PTPN21: variants seen among roughly 807,000 people sequenced by gnomAD.
PTPN21 encodes the protein tyrosine-protein phosphatase non-receptor type 21.
Under a neutral mutation model 131.8 loss-of-function variants are expected in PTPN21, and 77 were observed. That is an observed-to-expected ratio of 0.58 (90% CI 0.49 to 0.71). The LOEUF is 0.71. Among genes scored for constraint, PTPN21 ranks in the 30% least tolerant of loss-of-function variants. The pLI is 0.00. For missense variants in PTPN21, 1,552 were observed against 1,527.1 expected, an observed-to-expected ratio of 1.02 and a Z score of -0.27; for synonymous variants, 715 against 621.3, an observed-to-expected ratio of 1.15 and a Z score of -2.24.
At position 88,479,326 on chromosome 14, in the gene PTPN21, G is replaced by A. The variant is rs757086719; in HGVS notation, c.2105C>T (p.Ser702Leu). The change falls in exon 13 of 19, where the codon TCG (serine) becomes TTG (leucine). Residue 702 changes from serine (S) to leucine (L), a missense_variant. Around this residue, in one of 4 missense-constraint regions of PTPN21, gnomAD observed 1,016 missense variants for 883.5 expected, o/e 1.15. Coordinates refer to ENST00000556564, the MANE Select transcript of PTPN21 (RefSeq NM_007039.4). ...GCTGTGGATTAGCATGGTGGCGTCC[G>A]ACAGGGACTTCTTATGGCCGTACCT... ...GLRYGHKKSL[S>L]DATMLIHSSE... is the part of the protein sequence containing the mutation. 1.4e-5 allele frequency: 22 copies of A among 1,613,282 alleles called. No individual in the cohort carries two copies. In the South Asian group the frequency reaches 1.4e-4, roughly 10 times the overall value.
At chr14:88,478,506 T>C (rs2077579827) in intron 13 of PTPN21, among the ~76,000 whole-genome samples, 1 of 152,292 alleles carries the variant, frequency 6.6e-6, no homozygotes, top group Admixed American at 6.5e-5. Flanking sequence ...TTTTCAGATA[T>C]CTCTTGAGCA....
intron 3 of PTPN21, chr14:88,514,115 G>A (rs2078226254): frequency 6.6e-6 from 1 of 152,092 alleles, no homozygotes; most frequent in South Asian, 2.1e-4. Flanking sequence ...CCAATGTTTT[G>A]CCTTAGATCA....
chr14:88,552,589 T>C (rs995300111), intron 1 of PTPN21: 1 of 152,110 alleles, frequency 6.6e-6, no homozygotes, highest in African/African-American at 2.4e-5. Flanking sequence ...AAACAAGGGA[T>C]AGGGGAAGGC....
At chr14:88,487,714 C>G (rs1313474942) in intron 10 of PTPN21, among the ~76,000 whole-genome samples, 1 of 151,936 alleles carries the variant, frequency 6.6e-6, no homozygotes, top group Non-Finnish European at 1.5e-5. Flanking sequence ...TTTGGTGACA[C>G]AAGTCTGCAT....
chr14:88,478,584 C>T (rs973286528), intron 13 of PTPN21, among the ~76,000 whole-genome samples: 12 of 152,226 alleles, frequency 7.9e-5, no homozygotes, highest in Admixed American at 2.6e-4. Flanking sequence ...CTAAAGCAAT[C>T]GTGGCTAAAG....
chr14:88,469,856 C>T lies in PTPN21; in HGVS notation c.3000+66G>A, dbSNP rs1463259465. 2 of 1,609,312 alleles carry T rather than the reference C, an allele frequency of 1.2e-6. No homozygotes were observed. The highest frequency in any genetic ancestry group is 4.5e-5 in the East Asian group (2 of 44,872). ...GCCTTTTTCTCCACAGGTCAGGATT[C>T]CAGATGATTAACATTAACTGTTCTT... On this transcript the variant is annotated intron_variant, in intron 16 of 18. Transcript: ENST00000556564. This position sits in a 1 kb window ranked among gnomAD's most constrained non-coding sequence, Gnocchi z 4.3.
intron 2 of PTPN21, among the ~76,000 whole-genome samples, chr14:88,538,502 C>T (rs2078660522): frequency 6.6e-6 from 1 of 152,216 alleles, no homozygotes; most frequent in Non-Finnish European, 1.5e-5. Context: ...CCTAATGACA[C>T]TCATGTTCCT....
At chr14:88,488,944 G>A (rs2077778327) in intron 10 of PTPN21, among the ~76,000 whole-genome samples, 1 of 152,170 alleles carries the variant, frequency 6.6e-6, no homozygotes. Flanking sequence ...AAACCCATAA[G>A]GGAGGTCCAG....
chr14:88,500,859 T>C lies in PTPN21; in HGVS notation c.688A>G (p.Ser230Gly). 6.2e-7 allele frequency: 1 copy of C among 1,612,948 alleles called. No individual in the cohort carries two copies. Residue 230 changes from serine (S) to glycine (G), a missense_variant, in exon 8 of 19, where the codon AGT becomes GGT. Transcript: ENST00000556564. Reference protein sequence around the residue: ...ESYPAKDSQGSDISIGACLEG... With the variant: ...ESYPAKDSQGGDISIGACLEG... ...AGACACGCTCCAATGGATATGTCAC[T>C]TCCTTGGCTATCCTACAAGGAGAAA... is the stretch of plus-strand genomic sequence containing the variant.
rs1398496463 is a variant in PTPN21, at chr14:88,508,149, T to TG, written c.351-130dup. 117 of 464,678 alleles carry TG rather than the reference T, an allele frequency of 2.5e-4. No individual in the cohort carries two copies. The East Asian group carries it at 4.1e-3, about 16-fold the overall frequency. The allele number at this position is 464,678 out of a possible 1,614,324, so 28.8% of individuals were successfully genotyped here. On this transcript the variant is annotated intron_variant, in intron 3 of 18. Coordinates refer to ENST00000556564, the MANE Select transcript of PTPN21 (RefSeq NM_007039.4). Reference sequence around the variant, plus strand: ...AACCTTAATCCCACATGGTTGTGTGTGTTTTTTTTTTTTTTTTTAGATAGG... The same window carrying TG: ...AACCTTAATCCCACATGGTTGTGTGTGGTTTTTTTTTTTTTTTTTAGATAGG...
Position 88,497,967 on chromosome 14 carries a change from G to A in PTPN21, c.765-677C>T, listed in dbSNP as rs188405971. On this transcript the variant is annotated intron_variant, in intron 8 of 18. Coordinates refer to ENST00000556564, the MANE Select transcript of PTPN21 (RefSeq NM_007039.4). ...ACAAAAAAAATTAGCTGGGCATGGT[G>A]GTGGGCACCTGCAATCCCAGCTACT... Among the ~76,000 whole-genome samples the A allele has an allele frequency of 3.2e-4, 48 of 150,690 alleles. 1 individual carries two copies. Among genetic ancestry groups the A allele is most frequent in the Admixed American group, 2.9e-3 (44 of 15,086 alleles).
intron 2 of PTPN21, among the ~76,000 whole-genome samples, chr14:88,531,649 T>C (rs1179569568): frequency 6.6e-6 from 1 of 152,082 alleles, no homozygotes; most frequent in Non-Finnish European, 1.5e-5. Context: ...CTCATAGCAT[T>C]AAATGCCTGT....
At chr14:88,493,062 A>G (rs1026267327) in intron 10 of PTPN21, 4 of 456,268 alleles carry the variant, frequency 8.8e-6, no homozygotes, top group African/African-American at 2.0e-5. Context: ...TTGCTGCTCC[A>G]CTTACTAGTT....
chr14:88,516,678 T>C (rs1315591137), intron 3 of PTPN21, among the ~76,000 whole-genome samples: 1 of 152,178 alleles, frequency 6.6e-6, no homozygotes, highest in Non-Finnish European at 1.5e-5. Context: ...GTCTACAGAA[T>C]ATAGCTAGAG....
chr14:88,528,962 T>C (rs1255896429), intron 2 of PTPN21, among the ~76,000 whole-genome samples: 6 of 152,222 alleles, frequency 3.9e-5, no homozygotes, highest in African/African-American at 1.4e-4. Context: ...CCGATTTGGA[T>C]GCCCTTTCTT....
chr14:88,472,071 T>C (rs1222186396), intron 15 of PTPN21, among the ~76,000 whole-genome samples, 173 bp downstream of exon 15: 47 of 152,218 alleles, frequency 3.1e-4, no homozygotes, highest in Admixed American at 3.1e-3. Flanking sequence ...ATTTCCCAGC[T>C]TGCAGTACAG....
At chr14:88,471,089 T>C (rs2077458770) in intron 15 of PTPN21, among the ~76,000 whole-genome samples, 1 of 152,178 alleles carries the variant, frequency 6.6e-6, no homozygotes, top group African/African-American at 2.4e-5. Context: ...TTAAGTAAAT[T>C]ATGCTGATAT....
At chr14:88,485,268 A>T in intron 11 of PTPN21, 108 bp from the exon 12 acceptor site, 2 of 587,022 alleles carry the variant, frequency 3.4e-6, no homozygotes, top group African/African-American at 1.9e-5. Context: ...TAAAGGAATT[A>T]AATATATTAT....
intron 7 of PTPN21, 100 bp downstream of exon 7, chr14:88,501,181 C>T: frequency 9.0e-7 from 1 of 1,115,404 alleles, no homozygotes. Context: ...TTTTGCACGT[C>T]CTCAGCCTTT....
Sources: allele counts gnomAD v4.1 joint callset (sites outside exome capture counted in the v4.1 genomes callset), GRCh38; gene constraint gnomAD v4.1.1; regional missense constraint gnomAD v4.1.1; non-coding constraint Gnocchi (gnomAD v3.1); transcripts MANE v1.5; gene names NCBI Gene and HGNC (gene_info 2026-07-23, HGNC 2026-07-21).